Variants in ANXA8 observed in about 807,000 individuals in gnomAD.
ANXA8 encodes the protein VAC-beta.
In ANXA8, 9 loss-of-function variants were observed where a neutral mutation model predicts 26.8. The ratio of observed to expected loss-of-function variants is 0.34; its 90% CI spans 0.20 to 0.59. The LOEUF is 0.59. ANXA8 is among the 20% of genes least tolerant of loss of function. The probability of loss-of-function intolerance (pLI) is 0.84; values close to 1 mark genes in which losing one functional copy is unlikely to be tolerated. For synonymous variants in ANXA8, 39 were observed against 94.8 expected (o/e 0.41, Z 3.42); for missense variants, 83 against 238.5 (o/e 0.35, Z 4.29).
chr10:47,563,713 T>C, the ANXA8 span: 1 of 803,270 alleles, frequency 1.2e-6, no homozygotes. Context: ...TGCTACCTAA[T>C]GAGAACTCTG....
At chr10:47,486,811 AT>A (rs1692746482), upstream of ANXA8, among the ~76,000 whole-genome samples, 41 of 135,792 alleles carry the variant, frequency 3.0e-4, no homozygotes, top group South Asian at 9.7e-4. Flanking sequence ...ATAAAAAATA[AT>A]AATAATAAAA....
At chr10:47,703,125 G>C in the ANXA8 span, among the ~76,000 whole-genome samples, 1 of 151,474 alleles carries the variant, frequency 6.6e-6, no homozygotes, top group African/African-American at 2.4e-5. Flanking sequence ...AATAATGATA[G>C]TATTGGATTA....
At chr10:47,687,332 A>G in the ANXA8 span, among the ~76,000 whole-genome samples, 1 of 149,608 alleles carries the variant, frequency 6.7e-6, no homozygotes, top group Admixed American at 6.7e-5. Context: ...GTGCAGTGGC[A>G]CGATCTTGGC....
chr10:47,528,143 G>A, the ANXA8 span, among the ~76,000 whole-genome samples: 391 of 136,520 alleles, frequency 2.9e-3, 2 homozygotes, highest in African/African-American at 9.8e-3. Context: ...GCAGTGGCAC[G>A]ATCTCGGCTC....
At chr10:47,733,145 CT>C in the ANXA8 span, among the ~76,000 whole-genome samples, 424 of 49,230 alleles carry the variant, frequency 8.6e-3, no homozygotes, top group Middle Eastern at 0.023. Flanking sequence ...ACTCCCTAAT[CT>C]TTCTTTCTTT....
chr10:47,680,569 A>T, the ANXA8 span, among the ~76,000 whole-genome samples: 1 of 151,780 alleles, frequency 6.6e-6, no homozygotes, highest in Non-Finnish European at 1.5e-5. Flanking sequence ...TGGGAGGCAG[A>T]GGTTGCAGTG....
At chr10:47,701,244 T>G in the ANXA8 span, among the ~76,000 whole-genome samples, 2 of 149,960 alleles carry the variant, frequency 1.3e-5, no homozygotes, top group African/African-American at 4.9e-5. Flanking sequence ...TGTGAGGTAA[T>G]GTGCCCTCTT....
At chr10:47,937,047 T>C in the ANXA8 span, among the ~76,000 whole-genome samples, 2 of 149,964 alleles carry the variant, frequency 1.3e-5, 1 homozygote, top group Non-Finnish European at 3.0e-5. Context: ...GGCAGGCACC[T>C]TGAGGGATGT....
chr10:47,954,569 A>C, the ANXA8 span, among the ~76,000 whole-genome samples: 2 of 151,424 alleles, frequency 1.3e-5, no homozygotes, highest in African/African-American at 4.9e-5. Context: ...TTTGTATCAC[A>C]AAGAAATGAT....
At chr10:47,566,471 G>A in the ANXA8 span, among the ~76,000 whole-genome samples, 2 of 151,096 alleles carry the variant, frequency 1.3e-5, no homozygotes, top group African/African-American at 2.4e-5. Flanking sequence ...CTCTCCCTTC[G>A]GGCTCCGCCC....
chr10:47,546,396 ATTT>A, the ANXA8 span, among the ~76,000 whole-genome samples: 143 of 59,554 alleles, frequency 2.4e-3, no homozygotes, highest in African/African-American at 0.013. Flanking sequence ...GATAAGACCA[ATTT>A]TTTTTTTTTT....
At chr10:47,593,356 A>G in the ANXA8 span, among the ~76,000 whole-genome samples, 1 of 149,852 alleles carries the variant, frequency 6.7e-6, no homozygotes, top group South Asian at 2.1e-4. Context: ...GCCCAGAACC[A>G]GACTTGGAGA....
At chr10:47,721,108 A>G in the ANXA8 span, among the ~76,000 whole-genome samples, 1 of 141,662 alleles carries the variant, frequency 7.1e-6, no homozygotes, top group Non-Finnish European at 1.6e-5. Flanking sequence ...TGTTTGCACC[A>G]CTGCACTCTA....
the ANXA8 span, among the ~76,000 whole-genome samples, chr10:47,540,337 C>A: frequency 1.1e-5 from 1 of 91,406 alleles, no homozygotes; most frequent in Non-Finnish European, 2.1e-5. Context: ...AAAAAATGAT[C>A]TGATAAACAC....
At chr10:47,703,701 G>A in the ANXA8 span, among the ~76,000 whole-genome samples, 158 of 151,484 alleles carry the variant, frequency 1.0e-3, 1 homozygote, top group Middle Eastern at 3.4e-3. Flanking sequence ...AGGAGAGAGA[G>A]CATTGCATAG....
At chr10:47,730,620 T>G in the ANXA8 span, among the ~76,000 whole-genome samples, 29 of 152,398 alleles carry the variant, frequency 1.9e-4, no homozygotes, top group Non-Finnish European at 3.1e-4. Context: ...TTAAAAAGAT[T>G]GTTTTTGTCT....
At chr10:47,528,001 G>A in the ANXA8 span, among the ~76,000 whole-genome samples, 2 of 145,554 alleles carry the variant, frequency 1.4e-5, no homozygotes, top group African/African-American at 5.0e-5. Flanking sequence ...AAGGGAGAAA[G>A]GACCATGTGA....
chr10:47,652,678 C>T, the ANXA8 span, among the ~76,000 whole-genome samples: 2 of 134,914 alleles, frequency 1.5e-5, no homozygotes, highest in South Asian at 2.3e-4. Context: ...GGTTTAGTAA[C>T]CTTTAGTTAA....
the ANXA8 span, among the ~76,000 whole-genome samples, chr10:47,704,561 G>A: frequency 6.7e-6 from 1 of 149,704 alleles, no homozygotes; most frequent in Non-Finnish European, 1.5e-5. Flanking sequence ...CAATAAACAT[G>A]GAAAAATAGA....
Sources: gnomAD v4.1 joint callset for allele counts (sites outside exome capture counted in the v4.1 genomes callset) on GRCh38, gnomAD v4.1.1 for gene constraint, MANE v1.5 for transcripts, NCBI Gene and HGNC (gene_info 2026-07-23, HGNC 2026-07-21) for gene names.